Variants in MAP2K6 observed in about 807,000 individuals in gnomAD.
MAP2K6 encodes dual specificity mitogen-activated protein kinase kinase 6.
In MAP2K6, 16 loss-of-function variants were observed where a neutral mutation model predicts 53.7. The observed-to-expected ratio is 0.30, with a 90% CI of 0.20 to 0.45. The LOEUF (loss-of-function observed/expected upper bound fraction) is 0.45. Ranked by LOEUF, MAP2K6 falls within the 20% of genes least tolerant of loss-of-function variation. The probability of loss-of-function intolerance (pLI) is 1.00; values close to 1 mark genes in which losing one functional copy is unlikely to be tolerated. For synonymous variants in MAP2K6, 132 were observed against 143.1 expected, an observed-to-expected ratio of 0.92 and a Z score of 0.55; for missense variants, 204 against 411.9, an observed-to-expected ratio of 0.50 and a Z score of 4.37.
chr17:69,463,722 G>A (rs1907707268), intron 1 of MAP2K6, among the ~76,000 whole-genome samples: 1 of 151,396 alleles, frequency 6.6e-6, no homozygotes, highest in South Asian at 2.1e-4. Context: ...ATGTATATTA[G>A]TGAATCTACT....
intron 1 of MAP2K6, among the ~76,000 whole-genome samples, chr17:69,448,693 T>G (rs1030393882): frequency 6.6e-6 from 1 of 152,170 alleles, no homozygotes. Flanking sequence ...TCCTTCTCCC[T>G]GGTCAGTGAA....
At chr17:69,498,668 A>G (rs1598291596) in intron 1 of MAP2K6, among the ~76,000 whole-genome samples, 1 of 151,734 alleles carries the variant, frequency 6.6e-6, no homozygotes. Flanking sequence ...ACACACACAC[A>G]CACACACACA....
chr17:69,415,323 C>A (rs200334396), intron 1 of MAP2K6, among the ~76,000 whole-genome samples: 19 of 152,296 alleles, frequency 1.2e-4, no homozygotes, highest in East Asian at 3.9e-4. Flanking sequence ...TTGTAAAATT[C>A]TTTACTATGC....
At position 69,422,257 on chromosome 17, in the gene MAP2K6, G is replaced by A. The variant is rs139966371; in HGVS notation, c.16+7257G>A. Among the ~76,000 whole-genome samples, 755 of 147,110 alleles carry A rather than the reference G, an allele frequency of 5.1e-3. 11 individuals carry two copies. The highest frequency in any genetic ancestry group is 0.018 in the African/African-American group (712 of 39,674). On this transcript the variant is annotated intron_variant, in intron 1 of 11. Transcript: ENST00000590474. ...AGCAATTCTCCTGCCTCAGCCTCCCGAGTAGCTGGGATTACAGGTGCCTGC... is the reference window on the plus strand; with the variant it reads ...AGCAATTCTCCTGCCTCAGCCTCCCAAGTAGCTGGGATTACAGGTGCCTGC...
At chr17:69,418,608 T>TA (rs1905978051) in intron 1 of MAP2K6, among the ~76,000 whole-genome samples, 1 of 152,210 alleles carries the variant, frequency 6.6e-6, no homozygotes, top group Non-Finnish European at 1.5e-5. Flanking sequence ...TTGTTTCACT[T>TA]ACCAATATAT....
At chr17:69,450,136 A>G (rs371442391) in intron 1 of MAP2K6, among the ~76,000 whole-genome samples, 246 of 145,284 alleles carry the variant, frequency 1.7e-3, no homozygotes, top group African/African-American at 5.9e-3. Flanking sequence ...TAATTTTAGT[A>G]CAGACGGTGT....
intron 10 of MAP2K6, among the ~76,000 whole-genome samples, chr17:69,531,384 A>G (rs1911078823): frequency 6.6e-6 from 1 of 152,180 alleles, no homozygotes; most frequent in South Asian, 2.1e-4. Context: ...TACCCGTGCC[A>G]AGGAATCAAC....
intron 3 of MAP2K6, among the ~76,000 whole-genome samples, 199 bp from the exon 4 acceptor site, chr17:69,517,301 G>A (rs1910199549): frequency 6.6e-6 from 1 of 151,932 alleles, no homozygotes; most frequent in Admixed American, 6.6e-5. Flanking sequence ...CAAGCAGGTG[G>A]GCTACCGTGG....
chr17:69,509,401 G>T (rs1598298766), intron 2 of MAP2K6, among the ~76,000 whole-genome samples: 1 of 152,048 alleles, frequency 6.6e-6, no homozygotes, highest in South Asian at 2.1e-4. Flanking sequence ...CTTGTTCATT[G>T]TCAGTATATA....
intron 2 of MAP2K6, among the ~76,000 whole-genome samples, chr17:69,516,089 G>A (rs993068087): frequency 9.9e-5 from 15 of 151,920 alleles, no homozygotes; most frequent in African/African-American, 2.9e-4. Context: ...GGATGATTTC[G>A]GGATGATTCA....
chr17:69,537,029 C>T (rs775763987), intron 11 of MAP2K6, among the ~76,000 whole-genome samples: 2 of 152,144 alleles, frequency 1.3e-5, no homozygotes, highest in Non-Finnish European at 2.9e-5. Context: ...CTGCAGTGAG[C>T]CGTGATTGTG....
At chr17:69,469,450 G>A (rs1907915071) in intron 1 of MAP2K6, among the ~76,000 whole-genome samples, 1 of 152,216 alleles carries the variant, frequency 6.6e-6, no homozygotes, top group Admixed American at 6.5e-5. Flanking sequence ...CTACCACAAA[G>A]GTAGAGTCAA....
At chr17:69,538,499 G>T (rs1400952161) in intron 11 of MAP2K6, among the ~76,000 whole-genome samples, 1 of 152,170 alleles carries the variant, frequency 6.6e-6, no homozygotes. Flanking sequence ...GTGGAACTGA[G>T]GTTTTCAAAC....
chr17:69,457,410 T>A (rs7213830), intron 1 of MAP2K6, among the ~76,000 whole-genome samples: 36,179 of 152,108 alleles, frequency 0.24, 4,483 homozygotes, highest in Middle Eastern at 0.29. Flanking sequence ...TGAATGAACA[T>A]AGGAGCTCAA....
At chr17:69,449,477 G>A (rs1351057716) in intron 1 of MAP2K6, among the ~76,000 whole-genome samples, 3 of 125,662 alleles carry the variant, frequency 2.4e-5, no homozygotes, top group Admixed American at 1.7e-4. Flanking sequence ...AGTCCTCTGA[G>A]GTGTTGGTTG....
At chr17:69,429,894 T>TG (rs1906402179) in intron 1 of MAP2K6, among the ~76,000 whole-genome samples, 1 of 152,026 alleles carries the variant, frequency 6.6e-6, no homozygotes, top group Non-Finnish European at 1.5e-5. Context: ...AGCTGGGGTG[T>TG]GGGGCCTGGG....
chr17:69,549,636 A>C lies in MAP2K6; in HGVS notation c.*7883A>C, dbSNP rs1014456013. On this transcript the variant is annotated 3_prime_UTR_variant, in exon 12 of 12. Coordinates refer to ENST00000590474, the MANE Select transcript of MAP2K6 (RefSeq NM_002758.4). ...AAAAATTTAAGGGCTATCTAAGAAAAGTTTAAGCAAAACCCTCATTCCAAA... is the reference window on the plus strand; with the variant it reads ...AAAAATTTAAGGGCTATCTAAGAAACGTTTAAGCAAAACCCTCATTCCAAA... 1.3e-5 allele frequency: 2 copies of C among 152,206 alleles called. No homozygotes were observed. Among genetic ancestry groups the C allele is most frequent in the Non-Finnish European group, 2.9e-5 (2 of 68,034 alleles). The allele number at this position is 152,206 out of a possible 1,614,324, so 9.4% of individuals were successfully genotyped here. A position where few individuals can be genotyped will look rare whatever the true frequency, so the allele number is the denominator to read the frequency against.
chr17:69,517,962 G>A (rs564414257), intron 4 of MAP2K6, among the ~76,000 whole-genome samples: 6 of 152,206 alleles, frequency 3.9e-5, no homozygotes, highest in East Asian at 1.9e-4. Context: ...AGGCCAAGGC[G>A]GGTGGATCAC....
At chr17:69,511,650 G>T (rs1032047989) in intron 2 of MAP2K6, among the ~76,000 whole-genome samples, 1 of 152,180 alleles carries the variant, frequency 6.6e-6, no homozygotes, top group Non-Finnish European at 1.5e-5. Context: ...CAAACAGAAC[G>T]ATGCAACGGT....
Sources: allele counts gnomAD v4.1 joint callset (sites outside exome capture counted in the v4.1 genomes callset), GRCh38; gene constraint gnomAD v4.1.1; transcripts MANE v1.5; gene names NCBI Gene and HGNC (gene_info 2026-07-23, HGNC 2026-07-21).